Variants in ARHGAP9 observed in about 807,000 individuals in gnomAD.
ARHGAP9 encodes rho GTPase-activating protein 9.
ARHGAP9 carries 76 observed loss-of-function variants against 87.3 expected under a neutral mutation model. That is an observed-to-expected ratio of 0.87 (90% CI 0.72 to 1.05). ARHGAP9 has a LOEUF of 1.05. Ranked by LOEUF, ARHGAP9 falls within the 50% of genes least tolerant of loss-of-function variation. ARHGAP9 has a pLI of 0.00. For synonymous variants in ARHGAP9, 382 were observed against 394.9 expected, an observed-to-expected ratio of 0.97 and a Z score of 0.39; for missense variants, 941 against 960.5, an observed-to-expected ratio of 0.98 and a Z score of 0.27.
upstream of ARHGAP9, chr12:57,480,913 C>G: frequency 7.2e-7 from 1 of 1,396,184 alleles, no homozygotes; most frequent in Non-Finnish European, 9.9e-7. Context: ...CTCTCTTCCC[C>G]TGAGGGCTGG....
At chr12:57,478,453 G>T in intron 3 of ARHGAP9, 87 bp downstream of exon 3, 3 of 1,307,210 alleles carry the variant, frequency 2.3e-6, no homozygotes, top group Admixed American at 3.9e-5. Context: ...TTTTGTGTTT[G>T]TCATCCCCAG....
Position 57,479,348 on chromosome 12 carries a change from C to A in ARHGAP9, c.59G>T (p.Ser20Ile), listed in dbSNP as rs1309476341. The change falls in exon 2 of 18, where the codon AGC (serine) becomes ATC (isoleucine). Residue 20 changes from serine to isoleucine, a missense_variant. Coordinates refer to ENST00000393791, the MANE Select transcript of ARHGAP9 (RefSeq NM_032496.4). ...SWGILGLGPR[S>I]PPRGSQLCAL... ...ACAGAGCTGGGATCCCCGAGGAGGG[C>A]TTCGGGGGCCCAGCCCTAGGATCCC... is the stretch of plus-strand genomic sequence containing the variant. 6.2e-7 allele frequency: 1 copy of A among 1,614,148 alleles called. No individual in the cohort carries two copies. The highest frequency in any genetic ancestry group is 8.5e-7 in the Non-Finnish European group (1 of 1,180,012).
chr12:57,480,154 A>C, upstream of ARHGAP9: 1 of 977,006 alleles, frequency 1.0e-6, no homozygotes, highest in Non-Finnish European at 1.2e-6. Flanking sequence ...CTCTTGAGGC[A>C]GGAGCTACTT....
Position 57,476,166 on chromosome 12 carries a change from C to T in ARHGAP9, c.1117G>A (p.Gly373Arg). 1 of 1,538,250 alleles carries T rather than the reference C, an allele frequency of 6.5e-7. No individual in the cohort carries two copies. Among genetic ancestry groups the T allele is most frequent in the East Asian group, 2.5e-5 (1 of 40,780 alleles). Residue 373 changes from glycine to arginine, a missense_variant and splice_region_variant, in exon 9 of 18, where the codon GGA (glycine) becomes AGA (arginine). Coordinates refer to ENST00000393791, the MANE Select transcript of ARHGAP9 (RefSeq NM_032496.4). ...PPPTAPSSGW[G>R]PAGSRPESSV... ...CTTTCGGGCCGGCTACCCGCTGGTC[C>T]CTGACAATGAGGGAGGAAACTGAGG...
chr12:57,488,495 T>C, intron 1 of ARHGAP9: 1 of 1,401,124 alleles, frequency 7.1e-7, no homozygotes, highest in South Asian at 1.2e-5. Context: ...CCTACACCTA[T>C]CAGGCATCCC....
rs758530183 is a variant in ARHGAP9 at position 57,479,186 on chromosome 12, C to T, written c.221G>A (p.Arg74Gln). 146 of 1,614,026 alleles carry T rather than the reference C, an allele frequency of 9.0e-5. No individual in the cohort carries two copies. The highest frequency in any genetic ancestry group is 1.2e-4 in the Non-Finnish European group (136 of 1,180,036). ...ATAGGCTGCTGGGACGAAGATGGGT[C>T]GAGAGGTGGAGGGAGCTTCTAGGCG... ...ARRLEAPSTSRPIFVPAAYMI... is the reference protein window; with the variant it reads ...ARRLEAPSTSQPIFVPAAYMI... The change falls in exon 2 of 18, where the codon CGA becomes CAA. Residue 74 changes from arginine (R) to glutamine (Q), a missense_variant. Coordinates refer to ENST00000393791, the MANE Select transcript of ARHGAP9 (RefSeq NM_032496.4).
upstream of ARHGAP9, among the ~76,000 whole-genome samples, chr12:57,482,879 C>T (rs1875131571): frequency 6.7e-6 from 1 of 149,762 alleles, no homozygotes; most frequent in Non-Finnish European, 1.5e-5. Context: ...AGGCAGATCA[C>T]CTGAGGTCAG....
Position 57,472,533 on chromosome 12 carries a change from G to A in ARHGAP9, c.2180C>T (p.Thr727Ile). 1 of 1,614,190 alleles carries A rather than the reference G, an allele frequency of 6.2e-7. No individual in the cohort carries two copies. Among genetic ancestry groups the A allele is most frequent in the South Asian group, 1.1e-5 (1 of 91,088 alleles). ...TTCCCTGCATCAGGGGAAGAGGCTG[G>A]TGAAGTTGGTGAGCATCAGCTGGAC... Reference protein sequence around the residue: ...QLVQLMLTNFTSLFP With the variant: ...QLVQLMLTNFISLFP The change falls in exon 18 of 18, where the codon ACC (threonine) becomes ATC (isoleucine). Residue 727 changes from threonine to isoleucine, a missense_variant. Coordinates refer to ENST00000393791, the MANE Select transcript of ARHGAP9 (RefSeq NM_032496.4).
intron 6 of ARHGAP9, 47 bp downstream of exon 6, chr12:57,476,824 G>T (rs778835551): frequency 1.2e-5 from 19 of 1,538,928 alleles, no homozygotes; most frequent in Middle Eastern, 3.8e-4. Context: ...AAGGGGGGAG[G>T]GGGGGCAGGG....
chr12:57,479,737 G>A lies in ARHGAP9; in HGVS notation c.-26C>T, dbSNP rs1177797954. On this transcript the variant is annotated 5_prime_UTR_variant, in exon 1 of 18. Transcript: ENST00000393791. ...TAGTTTTCCTCCAAGTACCTTGTGG[G>A]GCCCATCAGAAGATTCAGGAGCAGG... 6.4e-7 allele frequency: 1 copy of A among 1,550,628 alleles called. No individual in the cohort carries two copies. Among genetic ancestry groups the A allele is most frequent in the East Asian group, 2.4e-5 (1 of 40,926 alleles).
At chr12:57,487,969 G>A (rs988536366) in intron 1 of ARHGAP9, 1 of 754,840 alleles carries the variant, frequency 1.3e-6, no homozygotes, top group South Asian at 1.6e-5. Context: ...TCTACTTTCC[G>A]GTAGCGGTGC....
At chr12:57,484,507 G>T (rs377167584), upstream of ARHGAP9, among the ~76,000 whole-genome samples, 3 of 152,158 alleles carry the variant, frequency 2.0e-5, no homozygotes, top group African/African-American at 7.2e-5. Context: ...CAAGGTAGCA[G>T]AAGCCCACAT....
chr12:57,481,702 A>G (rs1249483616), upstream of ARHGAP9, among the ~76,000 whole-genome samples: 1 of 152,174 alleles, frequency 6.6e-6, no homozygotes, highest in Non-Finnish European at 1.5e-5. Context: ...TCCTTATGCA[A>G]TCCTTATGTT....
rs749278369 is a variant in ARHGAP9, at chr12:57,479,230, G to A, written c.177C>T (p.Ser59=). The change falls in exon 2 of 18, where the codon TCC becomes TCT. Residue 59 remains serine, a synonymous_variant. Transcript: ENST00000393791. ...CTAGGCGTCTTGCCAACCACCAGTC[G>A]GAGTTGGTCTTTCGAAGCAGTAGGA... is the stretch of plus-strand genomic sequence containing the variant. ...DRFLLLRKTN[S]DWWLARRLEA... 37 of 1,614,080 alleles carry A rather than the reference G, an allele frequency of 2.3e-5. No homozygotes were observed. Among genetic ancestry groups the A allele is most frequent in the Admixed American group, 1.0e-4 (6 of 60,008 alleles).
At chr12:57,475,952 C>G (rs1054997147) in intron 9 of ARHGAP9, 21 bp from the exon 10 acceptor site, 3 of 1,607,082 alleles carry the variant, frequency 1.9e-6, no homozygotes, top group Non-Finnish European at 8.5e-7. Context: ...GGCAAGGAAA[C>G]GCTCGGGTCA....
rs755557578 is a variant in ARHGAP9 at position 57,479,080 on chromosome 12, C to A, written c.316+11G>T. 6.2e-7 allele frequency: 1 copy of A among 1,613,170 alleles called. No individual in the cohort carries two copies. The highest frequency in any genetic ancestry group is 2.2e-5 in the East Asian group (1 of 44,874). ...AGGAAGGTGAAGGGAGAGGGCTTAG[C>A]GCTTACTCACCAGGAGTCCAGAGCA... On this transcript the variant is annotated intron_variant, in intron 2 of 17. Transcript: ENST00000393791.
upstream of ARHGAP9, chr12:57,484,167 A>G (rs1388659972): frequency 5.7e-6 from 1 of 176,002 alleles, no homozygotes; most frequent in African/African-American, 2.4e-5. Flanking sequence ...CCTGGCCAAC[A>G]TGGTGAAACC....
Position 57,474,051 on chromosome 12 carries a change from C to T in ARHGAP9, c.1909G>A (p.Ala637Thr). 6.2e-7 allele frequency: 1 copy of T among 1,613,694 alleles called. No homozygotes were observed. The highest frequency in any genetic ancestry group is 8.5e-7 in the Non-Finnish European group (1 of 1,179,816). ...VPPLLLPHFR[A>T]ALALSESEQC... Reference sequence around the variant, plus strand: ...AAGCTCCAACCCTTACCAAGGGCAGCACGGAAATGGGGCAGCAGCAGTGGT... The same window carrying T: ...AAGCTCCAACCCTTACCAAGGGCAGTACGGAAATGGGGCAGCAGCAGTGGT... The change falls in exon 16 of 18, where the codon GCT becomes ACT. Residue 637 changes from alanine (A) to threonine (T), a missense_variant. Physicochemically the swap from Ala to Thr is moderately conservative, Grantham distance 58. Transcript: ENST00000393791.
Position 57,479,340 on chromosome 12 carries a change from G to T in ARHGAP9, c.67C>A (p.Arg23=). Residue 23 remains arginine, a synonymous_variant, in exon 2 of 18, where the codon CGG becomes AGG. Coordinates refer to ENST00000393791, the MANE Select transcript of ARHGAP9 (RefSeq NM_032496.4). The stretch of plus-strand genomic sequence containing the variant: ...TAGAGGGCACAGAGCTGGGATCCCC[G>T]AGGAGGGCTTCGGGGGCCCAGCCCT... ...ILGLGPRSPP[R]GSQLCALYAF... 1 of 1,614,162 alleles carries T rather than the reference G, an allele frequency of 6.2e-7. No homozygotes were observed. The highest frequency in any genetic ancestry group is 8.5e-7 in the Non-Finnish European group (1 of 1,180,022).
Sources: gnomAD v4.1 joint callset for allele counts (sites outside exome capture counted in the v4.1 genomes callset) on GRCh38, gnomAD v4.1.1 for gene constraint, MANE v1.5 for transcripts, NCBI Gene and HGNC (gene_info 2026-07-23, HGNC 2026-07-21) for gene names.